The following CTNNA2 variants were observed in gnomAD, a reference collection of about 807,000 sequenced individuals.
CTNNA2 encodes the protein catenin alpha 2.
Under a neutral mutation model 101.0 loss-of-function variants are expected in CTNNA2, and 42 were observed. That is an observed-to-expected ratio of 0.42 (90% CI 0.32 to 0.54). The LOEUF (loss-of-function observed/expected upper bound fraction) is 0.54, where lower values mean the gene tolerates loss of function less well. CTNNA2 is among the 20% of genes least tolerant of loss of function. The probability of loss-of-function intolerance (pLI) is 0.14; values close to 1 mark genes in which losing one functional copy is unlikely to be tolerated. For synonymous variants in CTNNA2, 450 were observed against 456.4 expected (o/e 0.99, Z 0.18); for missense variants, 871 against 1,223.1 (o/e 0.71, Z 4.29).
At chr2:79,652,238 A>ATT (rs201106493) in intron 2 of CTNNA2, among the ~76,000 whole-genome samples, 13 of 144,208 alleles carry the variant, frequency 9.0e-5, no homozygotes, top group African/African-American at 3.3e-4. Flanking sequence ...CTGGGATGTG[A>ATT]TTTTTTTTTT....
intron 13 of CTNNA2, among the ~76,000 whole-genome samples, chr2:80,574,872 C>T (rs1399875392): frequency 2.0e-5 from 3 of 152,078 alleles, no homozygotes. Context: ...GGTGTGTCTT[C>T]CAAAATGTTG....
chr2:79,395,455 T>C (rs574544599), intron 4 of CTNNA2, among the ~76,000 whole-genome samples: 6 of 151,984 alleles, frequency 3.9e-5, no homozygotes, highest in South Asian at 4.2e-4. Context: ...TGTGTTCTCA[T>C]TGTTCAATTC....
At chr2:79,651,772 G>T in intron 2 of CTNNA2, 114 bp downstream of exon 2, 5 of 843,420 alleles carry the variant, frequency 5.9e-6, no homozygotes, top group South Asian at 1.6e-5. Context: ...CCATGATTCC[G>T]ATTACTGAAT....
chr2:80,251,397 C>T (rs1190485644), intron 7 of CTNNA2, among the ~76,000 whole-genome samples: 1 of 152,136 alleles, frequency 6.6e-6, no homozygotes, highest in East Asian at 1.9e-4. Context: ...CCACTGCAAT[C>T]ACTGGCCTCT....
chr2:79,991,195 A>G (rs1692153564), intron 7 of CTNNA2, among the ~76,000 whole-genome samples: 1 of 152,018 alleles, frequency 6.6e-6, no homozygotes, highest in Admixed American at 6.6e-5. Context: ...CTAGCGGTCT[A>G]TAAATTTTGC....
rs935637284 is a variant in CTNNA2 at position 80,211,559 on chromosome 2, C to G, written c.1057-181652C>G. On this transcript the variant is annotated intron_variant, in intron 7 of 18. Coordinates refer to ENST00000402739, the MANE Select transcript of CTNNA2 (RefSeq NM_001282597.3). The stretch of plus-strand genomic sequence containing the variant: ...TAGTATTATTTATGAGGGCTCTATT[C>G]TGTTCCATTGGTCTATATTTCTGTT... Among the ~76,000 whole-genome samples the G allele has an allele frequency of 1.3e-5, 2 of 152,262 alleles. 1 individual carries two copies. Among genetic ancestry groups the G allele is most frequent in the South Asian group, 4.2e-4 (2 of 4,818 alleles).
chr2:80,496,134 A>G (rs1481446389), intron 9 of CTNNA2, among the ~76,000 whole-genome samples: 1 of 152,070 alleles, frequency 6.6e-6, no homozygotes, highest in African/African-American at 2.4e-5. Context: ...CGGAGAGAAC[A>G]TAGTTCTGAT....
chr2:80,087,859 CCT>C (rs200245039), intron 7 of CTNNA2, among the ~76,000 whole-genome samples: 1,658 of 151,048 alleles, frequency 0.011, 24 homozygotes, highest in African/African-American at 0.035. Context: ...TTGGTTTATT[CCT>C]CTCTCTCTCT....
rs10208345 is a variant in CTNNA2, at chr2:79,946,354, T to C, written c.1056+36557T>C. On this transcript the variant is annotated intron_variant, in intron 7 of 18. Coordinates refer to ENST00000402739, the MANE Select transcript of CTNNA2 (RefSeq NM_001282597.3). ...AGGAATGATCTATACTTCACAATGATAGAAATATTTGGAGACCCTTTGGCT... is the reference window on the plus strand; with the variant it reads ...AGGAATGATCTATACTTCACAATGACAGAAATATTTGGAGACCCTTTGGCT... Among the ~76,000 whole-genome samples, 146 of 152,298 alleles carry C rather than the reference T, an allele frequency of 9.6e-4. 1 individual carries two copies. The highest frequency in any genetic ancestry group is 3.3e-3 in the African/African-American group (139 of 41,566).
intron 18 of CTNNA2, 59 bp from the exon 19 acceptor site, chr2:80,647,526 A>C: frequency 7.4e-7 from 1 of 1,349,592 alleles, no homozygotes; most frequent in Non-Finnish European, 1.0e-6. Context: ...GTACATCACC[A>C]TTTTGTGAAT....
intron 9 of CTNNA2, among the ~76,000 whole-genome samples, chr2:80,527,976 T>C (rs1033641796): frequency 6.6e-6 from 1 of 152,130 alleles, no homozygotes; most frequent in Non-Finnish European, 1.5e-5. Flanking sequence ...TTCTCAGACA[T>C]TTTCAGTGTG....
chr2:79,784,775 TATAA>T (rs914208157), intron 3 of CTNNA2, among the ~76,000 whole-genome samples: 12 of 140,076 alleles, frequency 8.6e-5, no homozygotes, highest in African/African-American at 2.9e-4. Flanking sequence ...TATATATATA[TATAA>T]AAACATGGAT....
intron 18 of CTNNA2, among the ~76,000 whole-genome samples, chr2:80,639,840 C>CGCCTGTAATTCCAGCA (rs1673273351): frequency 6.6e-6 from 1 of 152,140 alleles, no homozygotes; most frequent in South Asian, 2.1e-4. Context: ...CGGTGGCTCA[C>CGCCTGTAATTCCAGCA]GCCTGTAATT....
At chr2:79,518,046 T>G (rs2103856888) in intron 1 of CTNNA2, among the ~76,000 whole-genome samples, 1 of 152,310 alleles carries the variant, frequency 6.6e-6, no homozygotes, top group South Asian at 2.1e-4. Flanking sequence ...TCTGTTCAAT[T>G]AGGGGTTTTC....
At chr2:80,618,319 T>A (rs981422991) in intron 17 of CTNNA2, among the ~76,000 whole-genome samples, 1 of 151,950 alleles carries the variant, frequency 6.6e-6, no homozygotes, top group South Asian at 2.1e-4. Flanking sequence ...CCATTTGATT[T>A]TTTCTACAGT....
At chr2:79,945,640 T>C (rs1464313294) in intron 7 of CTNNA2, among the ~76,000 whole-genome samples, 2 of 152,224 alleles carry the variant, frequency 1.3e-5, no homozygotes, top group Non-Finnish European at 2.9e-5. Flanking sequence ...TTTGACTTAT[T>C]GGTTAAATTA....
chr2:79,701,470 C>G (rs1254326002), intron 2 of CTNNA2, among the ~76,000 whole-genome samples: 2 of 152,272 alleles, frequency 1.3e-5, no homozygotes, highest in Middle Eastern at 3.4e-3. Flanking sequence ...TTTAGTCATG[C>G]ATTCAACAAT....
chr2:80,465,059 G>C (rs1279245990), intron 9 of CTNNA2, among the ~76,000 whole-genome samples: 1 of 152,148 alleles, frequency 6.6e-6, no homozygotes, highest in African/African-American at 2.4e-5. Flanking sequence ...GCTCCATTGG[G>C]ATGAGAGCTA....
intron 2 of CTNNA2, among the ~76,000 whole-genome samples, chr2:79,255,450 T>C (rs147966637): frequency 6.6e-6 from 1 of 152,296 alleles, no homozygotes; most frequent in African/African-American, 2.4e-5. Context: ...ACATCAGCTC[T>C]CAATCTTTCG....
Sources: gnomAD v4.1 joint callset for allele counts (sites outside exome capture counted in the v4.1 genomes callset) on GRCh38, gnomAD v4.1.1 for gene constraint, MANE v1.5 for transcripts, NCBI Gene and HGNC (gene_info 2026-07-23, HGNC 2026-07-21) for gene names.